Variants in BMP6 observed in about 807,000 individuals in gnomAD.
BMP6 encodes the protein VG-1-R.
In BMP6, 17 loss-of-function variants were observed where a neutral mutation model predicts 54.1. The ratio of observed to expected loss-of-function variants is 0.31; its 90% CI spans 0.22 to 0.47. BMP6 has a LOEUF of 0.47. BMP6 is among the 20% of genes least tolerant of loss of function. The pLI is 1.00. For missense variants in BMP6, 720 were observed against 690.4 expected (o/e 1.04, Z -0.48); for synonymous variants, 328 against 291.2 (o/e 1.13, Z -1.28).
At chr6:7,733,629 G>A (rs6910759) in intron 1 of BMP6, among the ~76,000 whole-genome samples, 100,012 of 152,082 alleles carry the variant, frequency 0.66, 34,045 homozygotes, top group African/African-American at 0.84. Context: ...TGTGTTCCCC[G>A]CAAGGAACCA....
intron 1 of BMP6, among the ~76,000 whole-genome samples, chr6:7,797,679 G>C (rs1422041699): frequency 1.3e-5 from 2 of 152,144 alleles, no homozygotes; most frequent in African/African-American, 4.8e-5. Context: ...CTTTCTTGGA[G>C]TGCAAATTGC....
chr6:7,808,249 T>C (rs1758381591), intron 1 of BMP6, among the ~76,000 whole-genome samples: 1 of 152,156 alleles, frequency 6.6e-6, no homozygotes, highest in Non-Finnish European at 1.5e-5. Context: ...AAAATATGCA[T>C]ATAAAGAGAT....
intron 1 of BMP6, among the ~76,000 whole-genome samples, chr6:7,756,094 A>C (rs1329379707): frequency 3.3e-5 from 5 of 151,972 alleles, no homozygotes; most frequent in Non-Finnish European, 7.4e-5. Context: ...TTTGGTCATT[A>C]CTTCTTCAAG....
chr6:7,762,469 G>A (rs1757627947), intron 1 of BMP6, among the ~76,000 whole-genome samples: 1 of 152,078 alleles, frequency 6.6e-6, no homozygotes, highest in South Asian at 2.1e-4. Context: ...ATGACGTGGG[G>A]GAATTCAAAC....
intron 1 of BMP6, among the ~76,000 whole-genome samples, chr6:7,781,990 G>A (rs1374493548): frequency 6.6e-6 from 1 of 151,498 alleles, no homozygotes; most frequent in Non-Finnish European, 1.5e-5. Context: ...ACTTGGAAGG[G>A]ATGGAGTGGA....
chr6:7,841,201 G>A lies in BMP6; in HGVS notation c.665-3939G>A, dbSNP rs977862703. On this transcript the variant is annotated intron_variant, in intron 1 of 6. Coordinates refer to ENST00000283147, the MANE Select transcript of BMP6 (RefSeq NM_001718.6). ...CATCATATAGGTAAGAAAAAAGCTA[G>A]AATTCAACACCAGCGTCTCAGTTTG... 3.9e-5 allele frequency among the ~76,000 whole-genome samples: 6 copies of A among 152,156 alleles called. No homozygotes were observed. In the South Asian group the frequency reaches 1.0e-3, roughly 26 times the overall value.
chr6:7,856,902 G>A (rs192815294), intron 2 of BMP6, among the ~76,000 whole-genome samples: 1 of 152,272 alleles, frequency 6.6e-6, no homozygotes, highest in Admixed American at 6.5e-5. Context: ...GGCCTCAAGA[G>A]CATTTTTCTA....
intron 1 of BMP6, among the ~76,000 whole-genome samples, chr6:7,743,349 G>A (rs573376317): frequency 5.3e-5 from 8 of 152,164 alleles, no homozygotes; most frequent in Non-Finnish European, 1.2e-4. Flanking sequence ...CTTGACAATC[G>A]AAATATCTGT....
intron 1 of BMP6, among the ~76,000 whole-genome samples, chr6:7,795,832 G>C (rs749277568): frequency 2.6e-5 from 4 of 152,118 alleles, no homozygotes; most frequent in South Asian, 2.1e-4. Context: ...AGGTGTTGAA[G>C]GTGACTCCTG....
At chr6:7,833,718 A>G (rs749075436) in intron 1 of BMP6, among the ~76,000 whole-genome samples, 2 of 152,198 alleles carry the variant, frequency 1.3e-5, no homozygotes, top group African/African-American at 2.4e-5. Flanking sequence ...TGTTCTGAAA[A>G]ATTCAGATGG....
At chr6:7,860,135 C>T (rs928208896) in intron 2 of BMP6, among the ~76,000 whole-genome samples, 7 of 152,172 alleles carry the variant, frequency 4.6e-5, no homozygotes, top group Admixed American at 6.5e-5. Flanking sequence ...CCACATATGA[C>T]GGTAGCCTTG....
chr6:7,788,215 A>G lies in BMP6; in HGVS notation c.665-56925A>G, dbSNP rs373173901. The stretch of plus-strand genomic sequence containing the variant: ...GGGGCTCAATTACCTTTAGACCTTT[A>G]AGTGTTCTTGGCCAAAGGCTTGGTA... On this transcript the variant is annotated intron_variant, in intron 1 of 6. Coordinates refer to ENST00000283147, the MANE Select transcript of BMP6 (RefSeq NM_001718.6). Among the ~76,000 whole-genome samples the G allele has an allele frequency of 1.6e-4, 25 of 152,278 alleles. No homozygotes were observed. The East Asian group carries it at 4.8e-3, about 29-fold the overall frequency.
rs1273225620 is a variant in BMP6 at position 7,851,417 on chromosome 6, AT to A, written c.857+6086del. Among the ~76,000 whole-genome samples the A allele has an allele frequency of 2.6e-5, 4 of 152,354 alleles. 1 individual carries two copies. The highest frequency in any genetic ancestry group is 2.0e-4 in the Admixed American group (3 of 15,304). On this transcript the variant is annotated intron_variant, in intron 2 of 6. Transcript: ENST00000283147. ...GTGCCAAATTGGTTTTTGCTCACAT[AT>A]AGCATACCATTGATTTTAATTTGTA... is the stretch of plus-strand genomic sequence containing the variant.
intron 1 of BMP6, among the ~76,000 whole-genome samples, chr6:7,823,220 G>C (rs1215072904): frequency 1.3e-5 from 2 of 152,128 alleles, no homozygotes; most frequent in Admixed American, 6.5e-5. Flanking sequence ...ACTCTGCTTT[G>C]TTCCAAGGCA....
chr6:7,869,195 A>C (rs1759480168), intron 4 of BMP6, among the ~76,000 whole-genome samples: 1 of 152,216 alleles, frequency 6.6e-6, no homozygotes, highest in Non-Finnish European at 1.5e-5. Flanking sequence ...CCTGAGAGTC[A>C]GGATGGTGGC....
chr6:7,785,805 T>G (rs1334226229), intron 1 of BMP6, among the ~76,000 whole-genome samples: 1 of 152,130 alleles, frequency 6.6e-6, no homozygotes, highest in Admixed American at 6.5e-5. Context: ...CGTGAAGAAA[T>G]ATGTCCTTCC....
chr6:7,734,294 G>A (rs1307656348), intron 1 of BMP6, among the ~76,000 whole-genome samples: 3 of 152,228 alleles, frequency 2.0e-5, no homozygotes, highest in Non-Finnish European at 4.4e-5. Flanking sequence ...AGCTTGAAAA[G>A]TTCTCGCATA....
At chr6:7,752,770 A>G (rs1027902994) in intron 1 of BMP6, among the ~76,000 whole-genome samples, 7 of 152,172 alleles carry the variant, frequency 4.6e-5, no homozygotes, top group Non-Finnish European at 8.8e-5. Context: ...ATGGTTCTGA[A>G]TACAGCCCTC....
intron 1 of BMP6, among the ~76,000 whole-genome samples, chr6:7,766,665 A>G (rs1757695118): frequency 6.6e-6 from 1 of 152,330 alleles, no homozygotes; most frequent in East Asian, 1.9e-4. Flanking sequence ...ATTAGAAGGT[A>G]TGTAATTCAT....
Sources: allele counts gnomAD v4.1 joint callset (sites outside exome capture counted in the v4.1 genomes callset), GRCh38; gene constraint gnomAD v4.1.1; transcripts MANE v1.5; gene names NCBI Gene and HGNC (gene_info 2026-07-23, HGNC 2026-07-21).